RGS8: variants seen among roughly 807,000 people sequenced by gnomAD.
RGS8 encodes regulator of G protein signaling 8, also known as regulator of G-protein signaling 8.
A neutral mutation model predicts 21.7 loss-of-function variants in RGS8; 8 were observed. That is an observed-to-expected ratio of 0.37 (90% CI 0.22 to 0.66). The LOEUF is 0.66. Ranked by LOEUF, RGS8 falls within the 30% of genes least tolerant of loss-of-function variation. The pLI is 0.59. For synonymous variants in RGS8, 80 were observed against 83.6 expected (o/e 0.96, Z 0.24); for missense variants, 157 against 217.9 (o/e 0.72, Z 1.76).
the RGS8 span, among the ~76,000 whole-genome samples, chr1:182,693,444 G>T: frequency 6.6e-6 from 1 of 152,120 alleles, no homozygotes; most frequent in African/African-American, 2.4e-5. Context: ...AGTCAGAATG[G>T]CTATTATTAA....
chr1:182,720,920 C>CATATATACAT, the RGS8 span, among the ~76,000 whole-genome samples: 41 of 52,186 alleles, frequency 7.9e-4, 4 homozygotes, highest in African/African-American at 2.0e-3. Flanking sequence ...TGTGTATATA[C>CATATATACAT]ATATATACAT....
intron 5 of RGS8, among the ~76,000 whole-genome samples, chr1:182,655,653 C>G (rs1663238733): frequency 6.6e-6 from 1 of 152,206 alleles, no homozygotes; most frequent in Non-Finnish European, 1.5e-5. Flanking sequence ...CACTCAACTT[C>G]ACTAGGCCCC....
chr1:182,659,102 A>G (rs1019288171), intron 5 of RGS8, among the ~76,000 whole-genome samples: 5 of 152,234 alleles, frequency 3.3e-5, no homozygotes, highest in South Asian at 2.1e-4. Flanking sequence ...GAGAGAGCCT[A>G]TGATCAAACC....
exon 7 of RGS8, chr1:182,646,908 C>T: frequency 6.2e-7 from 1 of 1,613,084 alleles, no homozygotes; most frequent in South Asian, 1.1e-5. Flanking sequence ...GTCTGGAAGT[C>T]AATGTTTACC....
At chr1:182,741,090 G>A in the RGS8 span, among the ~76,000 whole-genome samples, 1 of 151,538 alleles carries the variant, frequency 6.6e-6, no homozygotes, top group South Asian at 2.1e-4. Context: ...AGACGGGGTG[G>A]TGGCCGGGCA....
At chr1:182,709,188 G>A in the RGS8 span, among the ~76,000 whole-genome samples, 2 of 152,020 alleles carry the variant, frequency 1.3e-5, no homozygotes, top group African/African-American at 2.4e-5. Context: ...AATGTTGTGG[G>A]TCCTTAGTGG....
the RGS8 span, chr1:182,733,843 G>A: frequency 6.6e-6 from 1 of 151,964 alleles, no homozygotes; most frequent in African/African-American, 2.4e-5. Flanking sequence ...TAATGGCATA[G>A]TCAAAAGAAA....
intron 3 of RGS8, 38 bp downstream of exon 4, chr1:182,669,586 A>T: frequency 6.2e-7 from 1 of 1,614,140 alleles, no homozygotes; most frequent in Non-Finnish European, 8.5e-7. Context: ...AAAAGAGGAA[A>T]GGGTCAGGGG....
the RGS8 span, among the ~76,000 whole-genome samples, chr1:182,703,074 A>G: frequency 6.6e-6 from 1 of 152,232 alleles, no homozygotes; most frequent in African/African-American, 2.4e-5. Flanking sequence ...ATTATGTACC[A>G]TGCACTTTGC....
At chr1:182,648,285 C>T (rs61759905) in exon 6 of RGS8, 29 of 1,612,906 alleles carry the variant, frequency 1.8e-5, no homozygotes, top group Admixed American at 3.3e-5. Flanking sequence ...CAAGAAGGCA[C>T]GGAATGCAGC....
the RGS8 span, among the ~76,000 whole-genome samples, chr1:182,710,047 G>C: frequency 6.6e-6 from 1 of 152,098 alleles, no homozygotes. Context: ...GAGAGGGCTT[G>C]ATTGGTCTAG....
the RGS8 span, among the ~76,000 whole-genome samples, chr1:182,743,876 A>G: frequency 1.6e-4 from 25 of 152,142 alleles, no homozygotes; most frequent in African/African-American, 6.0e-4. Context: ...ATATACACAC[A>G]AGACACATGT....
chr1:182,748,283 G>T, the RGS8 span, among the ~76,000 whole-genome samples: 12 of 152,108 alleles, frequency 7.9e-5, no homozygotes, highest in African/African-American at 2.7e-4. Context: ...AACCATCTCT[G>T]CCTATGGCAA....
the RGS8 span, among the ~76,000 whole-genome samples, chr1:182,720,993 ATGTGTG>A: frequency 2.0e-5 from 2 of 98,412 alleles, no homozygotes; most frequent in Admixed American, 1.0e-4. Flanking sequence ...ACACATATAT[ATGTGTG>A]TATATATACA....
At chr1:182,646,576 G>C (rs938341034) in exon 7 of RGS8, 1 of 649,802 alleles carries the variant, frequency 1.5e-6, no homozygotes, top group African/African-American at 1.8e-5. Flanking sequence ...TCCGGCAGCT[G>C]GGTCATACTT....
At chr1:182,671,112 C>A (rs1430512509) in intron 2 of RGS8, among the ~76,000 whole-genome samples, 1 of 152,192 alleles carries the variant, frequency 6.6e-6, no homozygotes, top group Non-Finnish European at 1.5e-5. Flanking sequence ...GTCTCTCTTC[C>A]CATTCCACTG....
intron 5 of RGS8, among the ~76,000 whole-genome samples, chr1:182,654,172 G>C (rs556352942): frequency 6.6e-6 from 1 of 152,290 alleles, no homozygotes; most frequent in African/African-American, 2.4e-5. Context: ...AGCAAGAGCA[G>C]GGCCAAGATT....
chr1:182,646,464 C>CATT, exon 7 of RGS8: 1 of 415,148 alleles, frequency 2.4e-6, no homozygotes, highest in Non-Finnish European at 4.3e-6. Context: ...TGACCCAAGG[C>CATT]ATTATATGAA....
chr1:182,670,547 G>A (rs1664106588), intron 2 of RGS8, among the ~76,000 whole-genome samples: 1 of 152,142 alleles, frequency 6.6e-6, no homozygotes, highest in Non-Finnish European at 1.5e-5. Flanking sequence ...AAACACGTGA[G>A]GAGAGCAGCC....
Sources: allele counts gnomAD v4.1 joint callset (sites outside exome capture counted in the v4.1 genomes callset), GRCh38; gene constraint gnomAD v4.1.1; transcripts MANE v1.5; gene names NCBI Gene and HGNC (gene_info 2026-07-23, HGNC 2026-07-21).